Variants in INTU observed in about 807,000 individuals in gnomAD.
The protein encoded by INTU is protein inturned.
In INTU, 68 loss-of-function variants were observed where a neutral mutation model predicts 100.5. The observed-to-expected ratio is 0.68, with a 90% CI of 0.56 to 0.83. The LOEUF is 0.83. Ranked by LOEUF, INTU falls within the 40% of genes least tolerant of loss-of-function variation. The probability of loss-of-function intolerance (pLI) is 0.00; values close to 1 mark genes in which losing one functional copy is unlikely to be tolerated. For synonymous variants in INTU, 357 were observed against 395.7 expected (o/e 0.90, Z 1.16); for missense variants, 1,071 against 1,114.7 (o/e 0.96, Z 0.56).
intron 3 of INTU, among the ~76,000 whole-genome samples, chr4:127,657,295 G>A (rs1181862139): frequency 3.3e-5 from 5 of 152,004 alleles, no homozygotes; most frequent in African/African-American, 9.7e-5. Flanking sequence ...ATTGTGTATC[G>A]TAGATGATGT....
chr4:127,688,512 G>A (rs1026710665), intron 8 of INTU, among the ~76,000 whole-genome samples: 10 of 152,104 alleles, frequency 6.6e-5, no homozygotes, highest in Non-Finnish European at 1.3e-4. Context: ...TATTAAATGA[G>A]GCATTATGCC....
intron 8 of INTU, among the ~76,000 whole-genome samples, chr4:127,694,652 A>G (rs1335499581): frequency 1.3e-5 from 2 of 152,270 alleles, no homozygotes; most frequent in African/African-American, 4.8e-5. Context: ...AGCATTTTAC[A>G]TTTAGATATA....
chr4:127,690,559 C>T (rs191156140), intron 8 of INTU, among the ~76,000 whole-genome samples: 93 of 152,254 alleles, frequency 6.1e-4, no homozygotes, highest in Non-Finnish European at 4.7e-4. Flanking sequence ...TTTTGTAGTC[C>T]AGTTAGGAGA....
chr4:127,657,738 C>T (rs912842016), intron 3 of INTU, among the ~76,000 whole-genome samples: 8 of 151,544 alleles, frequency 5.3e-5, no homozygotes, highest in African/African-American at 1.9e-4. Context: ...TCACTGTCTC[C>T]CATCACCCCC....
At chr4:127,651,694 C>T (rs908846805) in intron 2 of INTU, among the ~76,000 whole-genome samples, 35 of 152,030 alleles carry the variant, frequency 2.3e-4, no homozygotes, top group African/African-American at 6.5e-4. Flanking sequence ...ATTGCCTTGG[C>T]GATGCGGGCT....
intron 2 of INTU, among the ~76,000 whole-genome samples, chr4:127,645,055 A>C: frequency 6.6e-6 from 1 of 152,328 alleles, no homozygotes; most frequent in South Asian, 2.1e-4. Flanking sequence ...AAGTGTCATC[A>C]TAGGGGTTTA....
intron 6 of INTU, among the ~76,000 whole-genome samples, chr4:127,681,066 A>C (rs1328485987): frequency 6.6e-6 from 1 of 152,004 alleles, no homozygotes; most frequent in Admixed American, 6.6e-5. Flanking sequence ...GACCTCTTCA[A>C]GGAGAACTAC....
At chr4:127,698,160 C>A (rs1428357134) in intron 8 of INTU, among the ~76,000 whole-genome samples, 3 of 152,052 alleles carry the variant, frequency 2.0e-5, no homozygotes, top group African/African-American at 7.2e-5. Flanking sequence ...AGGCCGGCCG[C>A]AGTGGCTCAC....
intron 6 of INTU, among the ~76,000 whole-genome samples, chr4:127,678,198 C>G (rs1186086081): frequency 6.6e-6 from 1 of 152,152 alleles, no homozygotes; most frequent in African/African-American, 2.4e-5. Flanking sequence ...TCCAGGAGAA[C>G]TTCCCCAATC....
intron 6 of INTU, among the ~76,000 whole-genome samples, chr4:127,677,484 C>T (rs1485712510): frequency 6.6e-6 from 1 of 150,848 alleles, no homozygotes; most frequent in African/African-American, 2.5e-5. Context: ...GGTACCCAGG[C>T]AAACAGGGTC....
chr4:127,711,864 T>G (rs1046676709), intron 14 of INTU, among the ~76,000 whole-genome samples: 18 of 152,190 alleles, frequency 1.2e-4, no homozygotes, highest in African/African-American at 4.1e-4. Context: ...TTTTGGCATT[T>G]GGTTGGTTGA....
chr4:127,676,450 G>T (rs950940041), intron 6 of INTU, among the ~76,000 whole-genome samples: 2 of 152,120 alleles, frequency 1.3e-5, no homozygotes, highest in Admixed American at 6.5e-5. Flanking sequence ...GCCAGGCACA[G>T]TGGCATGCAC....
chr4:127,707,437 T>C (rs1342479538), intron 12 of INTU, among the ~76,000 whole-genome samples: 1 of 127,022 alleles, frequency 7.9e-6, no homozygotes, highest in African/African-American at 2.9e-5. Context: ...AATAATAAGA[T>C]AAGAACCCCT....
At chr4:127,704,525 G>A (rs1730791010) in intron 10 of INTU, among the ~76,000 whole-genome samples, 1 of 152,146 alleles carries the variant, frequency 6.6e-6, no homozygotes, top group South Asian at 2.1e-4. Context: ...CAATTCCCAA[G>A]CTCAAACAAT....
At chr4:127,690,058 T>C (rs1730043592) in intron 8 of INTU, among the ~76,000 whole-genome samples, 1 of 152,150 alleles carries the variant, frequency 6.6e-6, no homozygotes, top group Non-Finnish European at 1.5e-5. Context: ...TCTGTGATAG[T>C]AGAGGTACTT....
intron 4 of INTU, among the ~76,000 whole-genome samples, chr4:127,667,785 T>G (rs938035227): frequency 1.3e-5 from 2 of 152,076 alleles, no homozygotes; most frequent in African/African-American, 4.8e-5. Context: ...CAATTTTAGT[T>G]GTTAGGCAGA....
Position 127,633,049 on chromosome 4 carries a change from T to G in INTU, c.15T>G (p.Ala5=). ...CATTCCTGACGATGGCCTCTGTGGC[T>G]TCGTGCGATTCGCGTCCGAGCTCAG... The part of the protein sequence containing the change: MASV[A]SCDSRPSSDE... The change falls in exon 1 of 16, where the codon GCT becomes GCG. Residue 5 remains alanine (A), a synonymous_variant. Coordinates refer to ENST00000335251, the MANE Select transcript of INTU (RefSeq NM_015693.4). The G allele has an allele frequency of 6.2e-7, 1 of 1,613,522 alleles. No homozygotes were observed. Among genetic ancestry groups the G allele is most frequent in the Non-Finnish European group, 8.5e-7 (1 of 1,179,502 alleles).
intron 8 of INTU, among the ~76,000 whole-genome samples, chr4:127,698,832 G>A (rs575108264): frequency 6.6e-6 from 1 of 152,278 alleles, no homozygotes; most frequent in South Asian, 2.1e-4. Context: ...CAGTTTCTGA[G>A]ATCAAATACC....
chr4:127,719,685 T>A lies in INTU; in HGVS notation c.*3249T>A, dbSNP rs1012565171. The A allele has an allele frequency of 6.6e-6, 1 of 152,188 alleles. No individual in the cohort carries two copies. Among genetic ancestry groups the A allele is most frequent in the Admixed American group, 6.5e-5 (1 of 15,280 alleles). 9.4% of individuals were successfully genotyped at this position (152,188 alleles called of 1,614,324 possible). ...ACTTGTTATTGGTCTATTCAGTGAT[T>A]CAACTTCTTCCTGGTTCAGTCTTGG... On this transcript the variant is annotated 3_prime_UTR_variant, in exon 16 of 16. Coordinates refer to ENST00000335251, the MANE Select transcript of INTU (RefSeq NM_015693.4).
Sources: allele counts gnomAD v4.1 joint callset (sites outside exome capture counted in the v4.1 genomes callset), GRCh38; gene constraint gnomAD v4.1.1; transcripts MANE v1.5; gene names NCBI Gene and HGNC (gene_info 2026-07-23, HGNC 2026-07-21).